PTPRN: variants seen among roughly 807,000 people sequenced by gnomAD.
PTPRN encodes protein tyrosine phosphatase receptor type N, also known as receptor-type tyrosine-protein phosphatase-like N.
In PTPRN, 70 loss-of-function variants were observed where a neutral mutation model predicts 108.5. That is an observed-to-expected ratio of 0.65 (90% CI 0.53 to 0.79). The LOEUF (loss-of-function observed/expected upper bound fraction) is 0.79. Among genes scored for constraint, PTPRN ranks in the 30% least tolerant of loss-of-function variants. The pLI is 0.00. For missense variants in PTPRN, 1,136 were observed against 1,295.5 expected (o/e 0.88, Z 1.89); for synonymous variants, 496 against 524.6 (o/e 0.95, Z 0.75).
chr2:219,300,794 G>A (rs1952327026), intron 8 of PTPRN, 149 bp downstream of exon 8: 1 of 791,276 alleles, frequency 1.3e-6, no homozygotes. Context: ...GAGACCTTAG[G>A]CAATAACTTG....
At position 219,290,948 on chromosome 2, in the gene PTPRN, G is replaced by A. The variant is rs920373264; in HGVS notation, c.2730-58C>T. On this transcript the variant is annotated intron_variant, in intron 20 of 22. Coordinates refer to ENST00000295718, the MANE Select transcript of PTPRN (RefSeq NM_002846.4). The surrounding 1 kb of genome is among the most constrained non-coding windows in gnomAD (Gnocchi z 4.2). ...AGATGCAGCAGAAAGGGGGAGGGAC[G>A]GAGGAGGCGAGGAGGCCTGGAGGCC... 49 of 1,563,090 alleles carry A rather than the reference G, an allele frequency of 3.1e-5. No individual in the cohort carries two copies. Among genetic ancestry groups the A allele is most frequent in the East Asian group, 4.5e-5 (2 of 44,604 alleles).
At chr2:219,302,949 C>G (rs1192739920) in intron 4 of PTPRN, 112 bp from the exon 5 acceptor site, 1 of 1,263,566 alleles carries the variant, frequency 7.9e-7, no homozygotes, top group Non-Finnish European at 1.1e-6. Flanking sequence ...CAGGCCTGAC[C>G]TCTTTAGAAA....
chr2:219,295,725 G>C (rs1952175940), intron 18 of PTPRN: 1 of 155,242 alleles, frequency 6.4e-6, no homozygotes, highest in African/African-American at 2.4e-5. Flanking sequence ...TAATGAAAAA[G>C]TTTGTTTCTC....
chr2:219,296,712 TGG>T lies in PTPRN; in HGVS notation c.2310+35_2310+36del. ...GGAGTGCATAGGGCCAGGATAATGA[TGG>T]GGCAGAGGTGGGGGCTGGAGTCAGG... On this transcript the variant is annotated intron_variant, in intron 16 of 22. Transcript: ENST00000295718. This position sits in a 1 kb window ranked among gnomAD's most constrained non-coding sequence, Gnocchi z 6.0. 1 of 1,610,106 alleles carries T rather than the reference TGG, an allele frequency of 6.2e-7. No homozygotes were observed. Among genetic ancestry groups the T allele is most frequent in the Non-Finnish European group, 8.5e-7 (1 of 1,177,742 alleles).
chr2:219,301,518 T>C, intron 7 of PTPRN, 70 bp downstream of exon 7: 2 of 1,541,238 alleles, frequency 1.3e-6, no homozygotes, highest in Admixed American at 1.8e-5. Flanking sequence ...CTCCAAGTGG[T>C]CTCGAGGCAG....
chr2:219,297,363 C>T lies in PTPRN; in HGVS notation c.1958G>A (p.Arg653Gln), dbSNP rs757712953. The T allele has an allele frequency of 2.2e-5, 36 of 1,614,076 alleles. No homozygotes were observed. Among genetic ancestry groups the T allele is most frequent in the Middle Eastern group, 1.6e-4 (1 of 6,062 alleles). ...GAACTGGGAGGACACACTGCTCACC[C>T]GTGAAGGCTCCGGTGGACCCTCTGC... ...NRAEGPPEPS[R>Q]VSSVSSQFSD... Residue 653 changes from arginine (R) to glutamine (Q), a missense_variant, in exon 14 of 23, where the codon CGG (arginine) becomes CAG (glutamine). Transcript: ENST00000295718. The surrounding 1 kb of genome is among the most constrained non-coding windows in gnomAD (Gnocchi z 6.0).
chr2:219,300,698 G>C (rs1559300786), intron 8 of PTPRN, among the ~76,000 whole-genome samples: 1 of 152,214 alleles, frequency 6.6e-6, no homozygotes, highest in Non-Finnish European at 1.5e-5. Flanking sequence ...GGAATCCTCA[G>C]AGCATGGTCT....
Position 219,296,728 on chromosome 2 carries a change from G to T in PTPRN, c.2310+21C>A. On this transcript the variant is annotated intron_variant, in intron 16 of 22. Transcript: ENST00000295718. This position sits in a 1 kb window ranked among gnomAD's most constrained non-coding sequence, Gnocchi z 6.0. ...GGATAATGATGGGGCAGAGGTGGGG[G>T]CTGGAGTCAGGGCCACTCACAATGG... 1 of 1,612,868 alleles carries T rather than the reference G, an allele frequency of 6.2e-7. No homozygotes were observed. The highest frequency in any genetic ancestry group is 8.5e-7 in the Non-Finnish European group (1 of 1,179,356).
At chr2:219,300,454 T>A in intron 8 of PTPRN, 195 bp from the exon 9 acceptor site, 1 of 558,946 alleles carries the variant, frequency 1.8e-6, no homozygotes, top group Non-Finnish European at 3.0e-6. Context: ...AATAAAGGAT[T>A]GAATGATTGA....
rs200113853 is a variant in PTPRN at position 219,297,940 on chromosome 2, C to A, written c.1832G>T (p.Arg611Leu). 1.2e-6 allele frequency: 2 copies of A among 1,613,120 alleles called. No homozygotes were observed. Among genetic ancestry groups the A allele is most frequent in the Non-Finnish European group, 1.7e-6 (2 of 1,179,950 alleles). ...RQHARQQDKE[R>L]LAALGPEGAH... is the part of the protein sequence containing the mutation. ...CCCCTCAGGCCCCAGGGCTGCCAGGCGCTCCTTGTCTTGCTGCCGCGCATG... is the reference window on the plus strand; with the variant it reads ...CCCCTCAGGCCCCAGGGCTGCCAGGAGCTCCTTGTCTTGCTGCCGCGCATG... The change falls in exon 13 of 23, where the codon CGC becomes CTC. Residue 611 changes from arginine (R) to leucine (L), a missense_variant. Arg to Leu is a moderately radical substitution (Grantham distance 102, BLOSUM62 -2). Transcript: ENST00000295718. This position sits in a 1 kb window ranked among gnomAD's most constrained non-coding sequence, Gnocchi z 6.0.
intron 19 of PTPRN, 178 bp from the exon 20 acceptor site, chr2:219,291,701 T>C (rs1952059037): frequency 1.5e-6 from 1 of 656,774 alleles, no homozygotes; most frequent in South Asian, 1.9e-5. Flanking sequence ...CTGGTGTGGG[T>C]GGCATTGGGC....
In PTPRN at chr2:219,291,494, G is replaced by A. The variant is rs912761698; in HGVS notation, c.2705C>T (p.Ser902Phe). 3 of 1,614,060 alleles carry A rather than the reference G, an allele frequency of 1.9e-6. No homozygotes were observed. Among genetic ancestry groups the A allele is most frequent in the Non-Finnish European group, 2.5e-6 (3 of 1,180,008 alleles). ...CCTGCAGTGCACGATGATGGGGCAG[G>A]AGCGGCCCCGGTAGCACTTGTTCAC... ...RKVNKCYRGR[S>F]CPIIVHCSDG... The change falls in exon 20 of 23, where the codon TCC becomes TTC. Residue 902 changes from serine (S) to phenylalanine (F), a missense_variant. Coordinates refer to ENST00000295718, the MANE Select transcript of PTPRN (RefSeq NM_002846.4).
chr2:219,291,410 T>C (rs372350073), intron 20 of PTPRN, 60 bp downstream of exon 20: 12 of 1,561,870 alleles, frequency 7.7e-6, no homozygotes, highest in African/African-American at 5.4e-5. Flanking sequence ...AGGCAGGCAA[T>C]GTGCACAGGA....
intron 8 of PTPRN, among the ~76,000 whole-genome samples, chr2:219,300,625 A>T (rs1398497592): frequency 6.6e-6 from 1 of 152,226 alleles, no homozygotes; most frequent in Non-Finnish European, 1.5e-5. Context: ...AGAAAGAAGC[A>T]GAGCTCCTCC....
At position 219,307,564 on chromosome 2, in the gene PTPRN, G is replaced by A. The variant is rs1290800054; in HGVS notation, c.167-7C>T. On this transcript the variant is annotated splice_region_variant and splice_polypyrimidine_tract_variant and intron_variant, in intron 2 of 22. Transcript: ENST00000295718. ...CACTGCCCAAACAAGCCATCTAAGG[G>A]CACAAAAGTGGTGTCAGCAGGGGGC... 2 of 1,612,642 alleles carry A rather than the reference G, an allele frequency of 1.2e-6. No homozygotes were observed. The highest frequency in any genetic ancestry group is 2.2e-5 in the East Asian group (1 of 44,872).
At position 219,290,559 on chromosome 2, in the gene PTPRN, C is replaced by T. The variant is rs375833864; in HGVS notation, c.2847G>A (p.Arg949=). ...AATLEHVRDQ[R]PGLVRSKDQF... is the part of the protein sequence containing the mutation. Reference sequence around the variant, plus strand: ...TCACCTTAGAGCGGACAAGGCCAGGCCGCTGGTCACGGACATGCTCCAGGG... The same window carrying T: ...TCACCTTAGAGCGGACAAGGCCAGGTCGCTGGTCACGGACATGCTCCAGGG... Residue 949 remains arginine (R), a synonymous_variant, in exon 22 of 23, where the codon CGG becomes CGA. Coordinates refer to ENST00000295718, the MANE Select transcript of PTPRN (RefSeq NM_002846.4). This position sits in a 1 kb window ranked among gnomAD's most constrained non-coding sequence, Gnocchi z 4.2. 167 of 1,551,716 alleles carry T rather than the reference C, an allele frequency of 1.1e-4. No individual in the cohort carries two copies. The African/African-American group carries it at 2.2e-3, about 21-fold the overall frequency.
At position 219,296,247 on chromosome 2, in the gene PTPRN, G is replaced by A. The variant is rs780501091; in HGVS notation, c.2487C>T (p.Ala829=). Residue 829 remains alanine (A), a synonymous_variant, in exon 18 of 23, where the codon GCC becomes GCT. Coordinates refer to ENST00000295718, the MANE Select transcript of PTPRN (RefSeq NM_002846.4). The surrounding 1 kb of genome is among the most constrained non-coding windows in gnomAD (Gnocchi z 6.0). ...QCDRYWPDEG[A]SLYHVYEVNL... is the part of the protein sequence containing the mutation. ...TGACCTCATATACGTGGTAGAGGGA[G>A]GCACCCTCATCTGGCCAGTAGCGGT... 6.2e-7 allele frequency: 1 copy of A among 1,614,110 alleles called. No individual in the cohort carries two copies. Among genetic ancestry groups the A allele is most frequent in the East Asian group, 2.2e-5 (1 of 44,872 alleles).
rs1442735565 is a variant in PTPRN, at chr2:219,307,849, AG to A, written c.116-8del. ...CTGCGGTCAAATAGACAGCCTGTAG[AG>A]GAAAAGGTGAGCAGAGGCTCAGACA... On this transcript the variant is annotated splice_polypyrimidine_tract_variant and splice_region_variant and intron_variant, in intron 1 of 22. Coordinates refer to ENST00000295718, the MANE Select transcript of PTPRN (RefSeq NM_002846.4). 4.3e-6 allele frequency: 7 copies of A among 1,614,142 alleles called. No individual in the cohort carries two copies. Among genetic ancestry groups the A allele is most frequent in the Non-Finnish European group, 5.9e-6 (7 of 1,179,974 alleles).
Position 219,290,265 on chromosome 2 carries a change from C to T in PTPRN, c.2901G>A (p.Ala967=), listed in dbSNP as rs773444820. 1.6e-5 allele frequency: 26 copies of T among 1,613,806 alleles called. 1 individual carries two copies. Among genetic ancestry groups the T allele is most frequent in the South Asian group, 1.3e-4 (12 of 91,078 alleles). The stretch of plus-strand genomic sequence containing the variant: ...CCTTGAGGATGGCATTCACTTCCTC[C>T]GCCACGGCTGTCAGGGCAAATTCAA... ...DQFEFALTAV[A]EEVNAILKAL... The change falls in exon 23 of 23, where the codon GCG becomes GCA. Residue 967 remains alanine (A), a synonymous_variant. Transcript: ENST00000295718. This position sits in a 1 kb window ranked among gnomAD's most constrained non-coding sequence, Gnocchi z 4.2.
Sources: gnomAD v4.1 joint callset for allele counts (sites outside exome capture counted in the v4.1 genomes callset) on GRCh38, gnomAD v4.1.1 for gene constraint, Gnocchi (gnomAD v3.1) non-coding constraint, MANE v1.5 for transcripts, NCBI Gene and HGNC (gene_info 2026-07-23, HGNC 2026-07-21) for gene names.